The following MCU variants were observed in gnomAD, a reference collection of about 807,000 sequenced individuals.
The protein encoded by MCU is mitochondrial calcium uniporter.
A neutral mutation model predicts 45.2 loss-of-function variants in MCU; 12 were observed. The ratio of observed to expected loss-of-function variants is 0.27; its 90% CI spans 0.17 to 0.43. The LOEUF (loss-of-function observed/expected upper bound fraction) is 0.43. Ranked by LOEUF, MCU falls within the 20% of genes least tolerant of loss-of-function variation. MCU has a pLI of 1.00. For missense variants in MCU, 324 were observed against 436.7 expected (o/e 0.74, Z 2.30); for synonymous variants, 160 against 165.1 (o/e 0.97, Z 0.24).
intron 1 of MCU, among the ~76,000 whole-genome samples, chr10:72,743,517 T>C (rs1303385934): frequency 1.3e-5 from 2 of 151,660 alleles, no homozygotes; most frequent in African/African-American, 4.8e-5. Context: ...ATTCAGCAGA[T>C]ATTTACTGAA....
intron 1 of MCU, chr10:72,736,400 C>T (rs1346525937): frequency 6.6e-6 from 1 of 152,152 alleles, no homozygotes; most frequent in Admixed American, 6.5e-5. Flanking sequence ...AGGTTTAGTC[C>T]TAAAAGGAAG....
chr10:72,701,165 TAAG>T (rs1436309926), intron 1 of MCU, among the ~76,000 whole-genome samples: 10 of 152,214 alleles, frequency 6.6e-5, no homozygotes, highest in African/African-American at 1.9e-4. Context: ...TGTCAGATAA[TAAG>T]AGAGCATATA....
chr10:72,826,469 GTTA>G (rs1399523067), intron 1 of MCU, among the ~76,000 whole-genome samples: 2 of 152,118 alleles, frequency 1.3e-5, no homozygotes, highest in Admixed American at 6.5e-5. Flanking sequence ...ATCTCAATAT[GTTA>G]TTATAGATGC....
intron 1 of MCU, among the ~76,000 whole-genome samples, chr10:72,777,666 G>C (rs1843916352): frequency 1.3e-5 from 2 of 152,168 alleles, no homozygotes; most frequent in South Asian, 4.1e-4. Context: ...GACCTCAAAA[G>C]CACAGGCAAC....
intron 4 of MCU, 106 bp from the exon 5 acceptor site, chr10:72,868,597 C>A: frequency 1.5e-5 from 14 of 941,536 alleles, no homozygotes; most frequent in South Asian, 9.1e-5. Flanking sequence ...CAGTTTAACA[C>A]TGAAGGTGAG....
intron 4 of MCU, among the ~76,000 whole-genome samples, chr10:72,860,831 A>G (rs1845365165): frequency 6.6e-6 from 1 of 152,204 alleles, no homozygotes; most frequent in African/African-American, 2.4e-5. Context: ...CATAAAGGCC[A>G]AAAGTCATAC....
chr10:72,720,517 C>T lies in MCU; in HGVS notation c.150+28216C>T, dbSNP rs192481992. On this transcript the variant is annotated intron_variant, in intron 1 of 7. Coordinates refer to ENST00000373053, the MANE Select transcript of MCU (RefSeq NM_138357.3). ...CTGACTATTAGGCCCTGACTTGTTC[C>T]GTTTGTTCCTTTCTCATCATCTCAC... Among the ~76,000 whole-genome samples the T allele has an allele frequency of 1.0e-3, 155 of 152,232 alleles. 1 individual carries two copies. The Middle Eastern group carries it at 0.01, about 10-fold the overall frequency.
chr10:72,805,072 A>AGTTTGTTT (rs1199153809), intron 1 of MCU, among the ~76,000 whole-genome samples: 1 of 142,546 alleles, frequency 7.0e-6, no homozygotes, highest in African/African-American at 2.7e-5. Context: ...ACCTGGCCCT[A>AGTTTGTTT]GTTTGTTTCT....
At chr10:72,839,943 G>T in intron 2 of MCU, among the ~76,000 whole-genome samples, 1 of 126,516 alleles carries the variant, frequency 7.9e-6, no homozygotes, top group South Asian at 2.6e-4. Flanking sequence ...CAGCCTGGGT[G>T]ACAAAGCGAG....
chr10:72,812,534 A>G (rs1252791669), intron 1 of MCU, among the ~76,000 whole-genome samples: 1 of 152,192 alleles, frequency 6.6e-6, no homozygotes, highest in East Asian at 1.9e-4. Context: ...GACCAGAGAG[A>G]ACAGAATTCT....
intron 7 of MCU, among the ~76,000 whole-genome samples, chr10:72,884,851 C>T (rs1039790039): frequency 6.6e-6 from 1 of 152,104 alleles, no homozygotes; most frequent in African/African-American, 2.4e-5. Context: ...CTAGAAGATG[C>T]TTGGAAAAGA....
At chr10:72,701,883 A>G (rs764549805) in intron 1 of MCU, among the ~76,000 whole-genome samples, 6 of 151,812 alleles carry the variant, frequency 4.0e-5, no homozygotes, top group Non-Finnish European at 7.4e-5. Context: ...TCCCGGTGTT[A>G]GCTGTTAGAG....
intron 6 of MCU, among the ~76,000 whole-genome samples, chr10:72,879,816 C>T (rs559193216): frequency 3.3e-5 from 5 of 152,202 alleles, no homozygotes; most frequent in Non-Finnish European, 7.4e-5. Flanking sequence ...GAGGCTGAGG[C>T]GGGCAGATCA....
intron 1 of MCU, among the ~76,000 whole-genome samples, chr10:72,734,260 A>G (rs1349847805): frequency 6.6e-6 from 1 of 152,188 alleles, no homozygotes; most frequent in Non-Finnish European, 1.5e-5. Flanking sequence ...AAAGAAAGAA[A>G]GAAATTCCTT....
chr10:72,861,102 G>A (rs1845368947), intron 4 of MCU, among the ~76,000 whole-genome samples: 3 of 152,070 alleles, frequency 2.0e-5, no homozygotes, highest in South Asian at 2.1e-4. Flanking sequence ...ACAGCTCACT[G>A]CAGCCTCGAC....
intron 1 of MCU, among the ~76,000 whole-genome samples, chr10:72,794,915 A>G (rs937055873): frequency 2.6e-5 from 4 of 152,182 alleles, no homozygotes; most frequent in African/African-American, 7.2e-5. Context: ...TCTGGATTTT[A>G]TATTTGCCCA....
intron 1 of MCU, among the ~76,000 whole-genome samples, chr10:72,705,571 A>G (rs1842808968): frequency 6.6e-6 from 1 of 152,146 alleles, no homozygotes; most frequent in South Asian, 2.1e-4. Flanking sequence ...TAATCCCAGC[A>G]CTTTGGGAGG....
intron 1 of MCU, among the ~76,000 whole-genome samples, chr10:72,723,183 G>A (rs1174134801): frequency 2.6e-5 from 4 of 152,076 alleles, no homozygotes; most frequent in South Asian, 4.1e-4. Flanking sequence ...GCGACAGAGC[G>A]AGATTCTGTC....
chr10:72,806,483 G>A (rs1844453655), intron 1 of MCU, among the ~76,000 whole-genome samples: 1 of 152,160 alleles, frequency 6.6e-6, no homozygotes, highest in Admixed American at 6.6e-5. Context: ...AGACAGCTAT[G>A]TGGAGGCCTT....
Sources: allele counts gnomAD v4.1 joint callset (sites outside exome capture counted in the v4.1 genomes callset), GRCh38; gene constraint gnomAD v4.1.1; transcripts MANE v1.5; gene names NCBI Gene and HGNC (gene_info 2026-07-23, HGNC 2026-07-21).